The following ZC3H14 variants were observed in gnomAD, a reference collection of about 807,000 sequenced individuals.
ZC3H14 encodes the protein zinc finger CCCH-type containing 14.
In ZC3H14, 31 loss-of-function variants were observed where a neutral mutation model predicts 92.4. That is an observed-to-expected ratio of 0.34 (90% CI 0.25 to 0.45). The LOEUF is 0.45. Among genes scored for constraint, ZC3H14 ranks in the 20% least tolerant of loss-of-function variants. The probability of loss-of-function intolerance (pLI) is 1.00; values close to 1 mark genes in which losing one functional copy is unlikely to be tolerated. For missense variants in ZC3H14, 781 were observed against 897.3 expected (o/e 0.87, Z 1.66); for synonymous variants, 321 against 300.9 (o/e 1.07, Z -0.69).
chr14:88,607,501 CAAGT>C, intron 13 of ZC3H14, 138 bp downstream of exon 13: 1 of 938,216 alleles, frequency 1.1e-6, no homozygotes, highest in South Asian at 1.3e-5. Flanking sequence ...TCTCAACCCT[CAAGT>C]GAGTACCATC....
chr14:88,596,399 C>T (rs139360674), intron 9 of ZC3H14, among the ~76,000 whole-genome samples: 308 of 152,218 alleles, frequency 2.0e-3, no homozygotes, highest in African/African-American at 6.9e-3. Flanking sequence ...GGCTGTGATG[C>T]GAGCTGCTGG....
intron 2 of ZC3H14, among the ~76,000 whole-genome samples, chr14:88,565,432 C>G (rs577359099): frequency 3.3e-5 from 5 of 152,206 alleles, no homozygotes; most frequent in African/African-American, 1.2e-4. Flanking sequence ...TCAGCCACTG[C>G]ATCCGGCCAA....
rs1328047854 is a variant in ZC3H14, at chr14:88,618,815, G to C, written c.*7064G>C. 1.3e-6 allele frequency: 2 copies of C among 1,570,344 alleles called. No homozygotes were observed. Among genetic ancestry groups the C allele is most frequent in the Non-Finnish European group, 1.7e-6 (2 of 1,157,288 alleles). ...GATACCGGGAATCCGGACTAAATCTGAATCAAAACAAAACGTAAAAAGTAT... is the reference window on the plus strand; with the variant it reads ...GATACCGGGAATCCGGACTAAATCTCAATCAAAACAAAACGTAAAAAGTAT... On this transcript the variant is annotated 3_prime_UTR_variant, in exon 17 of 17. Coordinates refer to ENST00000251038, the MANE Select transcript of ZC3H14 (RefSeq NM_024824.5).
chr14:88,593,208 C>CAT lies in ZC3H14; in HGVS notation c.1280-3525_1280-3524insTA, dbSNP rs574547152. On this transcript the variant is annotated intron_variant, in intron 9 of 16. Coordinates refer to ENST00000251038, the MANE Select transcript of ZC3H14 (RefSeq NM_024824.5). ...GTCTCGAACTCCTGACCTCATAATC[C>CAT]ACCCACCTTGGCCTCCCAAAATGCT... Among the ~76,000 whole-genome samples, 634 of 152,148 alleles carry CAT rather than the reference C, an allele frequency of 4.2e-3. 4 individuals are homozygous for CAT. The highest frequency in any genetic ancestry group is 0.031 in the South Asian group (151 of 4,818).
At position 88,619,065 on chromosome 14, in the gene ZC3H14, G is replaced by A. The variant is rs1023232237; in HGVS notation, c.*7314G>A. Reference sequence around the variant, plus strand: ...CCAATTCCTTTAAAAACGTCTAATGGCTTAAAAAAACTTTCTTAGGCCAGG... The same window carrying A: ...CCAATTCCTTTAAAAACGTCTAATGACTTAAAAAAACTTTCTTAGGCCAGG... On this transcript the variant is annotated 3_prime_UTR_variant, in exon 17 of 17. Coordinates refer to ENST00000251038, the MANE Select transcript of ZC3H14 (RefSeq NM_024824.5). 2.1e-5 allele frequency: 6 copies of A among 283,004 alleles called. No individual in the cohort carries two copies. Among genetic ancestry groups the A allele is most frequent in the Non-Finnish European group, 1.9e-5 (3 of 155,594 alleles). The allele number at this position is 283,004 out of a possible 1,614,324, so 17.5% of individuals were successfully genotyped here.
rs1373389400 is a variant in ZC3H14, at chr14:88,612,782, CAG to C, written c.*1034_*1035del. ...AACTTTTGGCCTACTGTATTACTTA[CAG>C]AGTTTTTTTGTGTGTGGTTTTTAAA... On this transcript the variant is annotated 3_prime_UTR_variant, in exon 17 of 17. Coordinates refer to ENST00000251038, the MANE Select transcript of ZC3H14 (RefSeq NM_024824.5). The C allele has an allele frequency of 4.0e-5, 6 of 148,896 alleles. No individual in the cohort carries two copies. The highest frequency in any genetic ancestry group is 4.2e-4 in the South Asian group (2 of 4,812). The allele number at this position is 148,896 out of a possible 1,614,324, so 9.2% of individuals were successfully genotyped here.
At chr14:88,590,139 A>C (rs1404037240) in intron 9 of ZC3H14, 1 of 152,028 alleles carries the variant, frequency 6.6e-6, no homozygotes. Flanking sequence ...CCAAAAAAAA[A>C]AAGGCAAAAA....
intron 9 of ZC3H14, among the ~76,000 whole-genome samples, chr14:88,587,286 C>T (rs2139839922): frequency 6.6e-6 from 1 of 152,058 alleles, no homozygotes; most frequent in South Asian, 2.1e-4. Flanking sequence ...CCTCAGCCTC[C>T]TTAGTAGCTT....
Position 88,572,715 on chromosome 14 carries a change from A to G in ZC3H14, c.569A>G (p.Gln190Arg). The change falls in exon 6 of 17, where the codon CAG (glutamine) becomes CGG (arginine). Residue 190 changes from glutamine to arginine, a missense_variant. By Grantham distance (43) the Gln-to-Arg change is conservative. Coordinates refer to ENST00000251038, the MANE Select transcript of ZC3H14 (RefSeq NM_024824.5). ...ATTGACGAAGACCTCAACTTTGTGCAGGAGAATCCCTTATCTCAGAAAAAA... is the reference window on the plus strand; with the variant it reads ...ATTGACGAAGACCTCAACTTTGTGCGGGAGAATCCCTTATCTCAGAAAAAA... ...DLIDEDLNFV[Q>R]ENPLSQKKPT... is the part of the protein sequence containing the mutation. 1 of 1,614,248 alleles carries G rather than the reference A, an allele frequency of 6.2e-7. No individual in the cohort carries two copies. Among genetic ancestry groups the G allele is most frequent in the Non-Finnish European group, 8.5e-7 (1 of 1,180,050 alleles).
intron 9 of ZC3H14, chr14:88,592,072 T>C (rs539766698): frequency 1.3e-5 from 2 of 152,380 alleles, no homozygotes; most frequent in East Asian, 3.9e-4. Context: ...GGGTCCTTGC[T>C]TATTTTCTAT....
intron 8 of ZC3H14, among the ~76,000 whole-genome samples, chr14:88,577,077 G>A (rs150593825): frequency 0.014 from 2,113 of 152,196 alleles, 50 homozygotes; most frequent in African/African-American, 0.049. Flanking sequence ...TTACAAGCGT[G>A]AGCCACCGCG....
chr14:88,598,255 G>C (rs2084127780), intron 10 of ZC3H14, among the ~76,000 whole-genome samples: 1 of 152,134 alleles, frequency 6.6e-6, no homozygotes, highest in African/African-American at 2.4e-5. Flanking sequence ...ACTAGACCCT[G>C]TGGTGGAAAG....
Position 88,620,965 on chromosome 14 carries a change from C to T in ZC3H14, c.*9214C>T. The T allele has an allele frequency of 6.9e-7, 1 of 1,458,464 alleles. No individual in the cohort carries two copies. The highest frequency in any genetic ancestry group is 9.0e-7 in the Non-Finnish European group (1 of 1,107,878). 90.3% of individuals were successfully genotyped at this position (1,458,464 alleles called of 1,614,324 possible). ...AAAAAAAAAAAAGAGTCATAGGAAA[C>T]ATTAAGTGAAGTACTTCTAAATTAT... On this transcript the variant is annotated 3_prime_UTR_variant, in exon 17 of 17. Coordinates refer to ENST00000251038, the MANE Select transcript of ZC3H14 (RefSeq NM_024824.5). This position sits in a 1 kb window ranked among gnomAD's most constrained non-coding sequence, Gnocchi z 4.3.
At chr14:88,585,834 C>G (rs10139181) in intron 9 of ZC3H14, among the ~76,000 whole-genome samples, 134,434 of 152,250 alleles carry the variant, frequency 0.88, 60,048 homozygotes, top group Non-Finnish European at 0.94. Context: ...TTATCCTCCT[C>G]ATTTACTTGT....
Position 88,626,764 on chromosome 14 carries a change from C to T in ZC3H14, c.*15013C>T. ...ATCACAGTATCATCTCAACAACATT[C>T]ATGTGGCTGATGATCTAAGGCAAGA... On this transcript the variant is annotated 3_prime_UTR_variant, in exon 17 of 17. Coordinates refer to ENST00000251038, the MANE Select transcript of ZC3H14 (RefSeq NM_024824.5). 1 of 1,435,510 alleles carries T rather than the reference C, an allele frequency of 7.0e-7. No individual in the cohort carries two copies. The highest frequency in any genetic ancestry group is 9.6e-7 in the Non-Finnish European group (1 of 1,039,510). 88.9% of individuals were successfully genotyped at this position (1,435,510 alleles called of 1,614,324 possible).
intron 9 of ZC3H14, chr14:88,589,603 TC>T (rs1180178816): frequency 1.3e-5 from 2 of 152,224 alleles, no homozygotes; most frequent in African/African-American, 2.4e-5. Flanking sequence ...CTATGAATTT[TC>T]CTCTCCTGTC....
At chr14:88,596,699 GT>G in intron 9 of ZC3H14, 34 bp from the exon 10 acceptor site, 2 of 1,580,746 alleles carry the variant, frequency 1.3e-6, no homozygotes, top group Non-Finnish European at 1.7e-6. Context: ...TGTCTGTGTT[GT>G]AAGCTTAGTG....
rs1488570723 is a variant in ZC3H14, at chr14:88,618,691, C to CA, written c.*6943dup. The CA allele has an allele frequency of 1.2e-6, 2 of 1,612,436 alleles. No individual in the cohort carries two copies. Among genetic ancestry groups the CA allele is most frequent in the African/African-American group, 2.7e-5 (2 of 74,914 alleles). Reference sequence around the variant, plus strand: ...TCTGCAGAGAAGTCCATTTGAATGACAAAGCTTGGAATGTCTTTGCAGTAG... The same window carrying CA: ...TCTGCAGAGAAGTCCATTTGAATGACAAAAGCTTGGAATGTCTTTGCAGTAG... On this transcript the variant is annotated 3_prime_UTR_variant, in exon 17 of 17. Coordinates refer to ENST00000251038, the MANE Select transcript of ZC3H14 (RefSeq NM_024824.5).
chr14:88,616,644 TTAAA>T lies in ZC3H14; in HGVS notation c.*4896_*4899del. On this transcript the variant is annotated 3_prime_UTR_variant, in exon 17 of 17. Transcript: ENST00000251038. ...AATTTAGAAATTAGGACAAAACATT[TTAAA>T]TATATGGGGAAAAGTGCTGATGATA... 3 of 1,332,296 alleles carry T rather than the reference TTAAA, an allele frequency of 2.3e-6. No individual in the cohort carries two copies. The highest frequency in any genetic ancestry group is 2.5e-5 in the East Asian group (1 of 39,888). 82.5% of individuals were successfully genotyped at this position (1,332,296 alleles called of 1,614,324 possible).
Sources: allele counts gnomAD v4.1 joint callset (sites outside exome capture counted in the v4.1 genomes callset), GRCh38; gene constraint gnomAD v4.1.1; non-coding constraint Gnocchi (gnomAD v3.1); transcripts MANE v1.5; gene names NCBI Gene and HGNC (gene_info 2026-07-23, HGNC 2026-07-21).